The following SCNN1B variants were observed in gnomAD, a reference collection of about 807,000 sequenced individuals.
SCNN1B encodes sodium channel epithelial 1 subunit beta.
Under a neutral mutation model 65.3 loss-of-function variants are expected in SCNN1B, and 46 were observed. The observed-to-expected ratio is 0.70, with a 90% CI of 0.56 to 0.90. SCNN1B has a LOEUF of 0.90. SCNN1B is among the 40% of genes least tolerant of loss of function. The probability of loss-of-function intolerance (pLI) is 0.00; values close to 1 mark genes in which losing one functional copy is unlikely to be tolerated. For missense variants in SCNN1B, 751 were observed against 830.5 expected (o/e 0.90, Z 1.18); for synonymous variants, 349 against 330.6 (o/e 1.06, Z -0.60).
At position 23,381,038 on chromosome 16, in the gene SCNN1B, C is replaced by G. The variant is rs1032209710; in HGVS notation, c.*237C>G. 8.4e-6 allele frequency: 5 copies of G among 595,018 alleles called. No individual in the cohort carries two copies. The Admixed American group carries it at 1.3e-4, about 16-fold the overall frequency. The allele number at this position is 595,018 out of a possible 1,614,324, so 36.9% of individuals were successfully genotyped here. A position where few individuals can be genotyped will look rare whatever the true frequency, so the allele number is the denominator to read the frequency against. ...AATTGTATCTTCACCTGGTTCCTAC[C>G]CTCGTCCCTACCTGTCCTGATCCTG... On this transcript the variant is annotated 3_prime_UTR_variant, in exon 13 of 13. Coordinates refer to ENST00000343070, the MANE Select transcript of SCNN1B (RefSeq NM_000336.3).
intron 4 of SCNN1B, among the ~76,000 whole-genome samples, chr16:23,357,439 C>T (rs152741): frequency 0.27 from 41,298 of 152,036 alleles, 5,926 homozygotes; most frequent in East Asian, 0.4. Flanking sequence ...AAAAATTAAC[C>T]GGGAGTGGTG....
At chr16:23,327,959 G>T (rs150396055) in intron 1 of SCNN1B, among the ~76,000 whole-genome samples, 229 of 152,336 alleles carry the variant, frequency 1.5e-3, no homozygotes, top group African/African-American at 5.2e-3. Context: ...CATGTGTCAG[G>T]CTGCTGGGAT....
At chr16:23,357,573 ACT>A (rs947303356) in intron 4 of SCNN1B, among the ~76,000 whole-genome samples, 18 of 152,132 alleles carry the variant, frequency 1.2e-4, no homozygotes, top group Non-Finnish European at 2.4e-4. Context: ...GCAGAGTGAG[ACT>A]CTGTATTAAA....
At chr16:23,292,187 T>C (rs1960934819) in intron 2 of SCNN1B, among the ~76,000 whole-genome samples, 2 of 150,542 alleles carry the variant, frequency 1.3e-5, no homozygotes, top group South Asian at 4.2e-4. Context: ...TTATTTTATT[T>C]CTTTCTTTAT....
intron 4 of SCNN1B, among the ~76,000 whole-genome samples, chr16:23,362,539 G>T (rs1006902850): frequency 6.6e-6 from 1 of 152,108 alleles, no homozygotes; most frequent in African/African-American, 2.4e-5. Flanking sequence ...TTTTCTGGAG[G>T]CTCACTGGTC....
rs530148853 is a variant in SCNN1B, at chr16:23,330,669, C to A, written c.-8-17923C>A. On this transcript the variant is annotated intron_variant, in intron 1 of 12. Coordinates refer to ENST00000343070, the MANE Select transcript of SCNN1B (RefSeq NM_000336.3). Reference sequence around the variant, plus strand: ...TTCACTGCAGCCTCCAACCCCTGGGCTTAAGTGATCCTCCCTCCTCAGCCT... The same window carrying A: ...TTCACTGCAGCCTCCAACCCCTGGGATTAAGTGATCCTCCCTCCTCAGCCT... Among the ~76,000 whole-genome samples the A allele has an allele frequency of 7.9e-5, 12 of 152,178 alleles. No individual in the cohort carries two copies. The East Asian group carries it at 1.9e-3, about 25-fold the overall frequency.
chr16:23,337,196 C>T (rs1961959787), intron 1 of SCNN1B, among the ~76,000 whole-genome samples: 2 of 151,966 alleles, frequency 1.3e-5, no homozygotes, highest in African/African-American at 4.8e-5. Context: ...AGACCACAGG[C>T]ACATGCCACC....
At chr16:23,346,594 G>T (rs78665392) in intron 1 of SCNN1B, among the ~76,000 whole-genome samples, 1 of 151,934 alleles carries the variant, frequency 6.6e-6, no homozygotes, top group Non-Finnish European at 1.5e-5. Context: ...GTTCTCTTGG[G>T]ATTGAAACCC....
At chr16:23,333,358 T>C (rs1457485369) in intron 1 of SCNN1B, among the ~76,000 whole-genome samples, 1 of 151,910 alleles carries the variant, frequency 6.6e-6, no homozygotes, top group Non-Finnish European at 1.5e-5. Context: ...CCTTGGGGAG[T>C]ATGGGATTTC....
intron 4 of SCNN1B, among the ~76,000 whole-genome samples, chr16:23,366,034 A>G (rs1235067649): frequency 2.0e-5 from 3 of 152,232 alleles, no homozygotes; most frequent in Non-Finnish European, 4.4e-5. Context: ...TGAGATCACG[A>G]ATACAGAAAG....
intron 2 of SCNN1B, among the ~76,000 whole-genome samples, chr16:23,349,696 C>T (rs992442997): frequency 7.2e-5 from 11 of 152,170 alleles, no homozygotes; most frequent in Admixed American, 6.6e-4. Context: ...ACAAATACAA[C>T]AGTTAACAAA....
chr16:23,348,739 A>G lies in SCNN1B; in HGVS notation c.140A>G (p.Lys47Arg). Residue 47 changes from lysine to arginine, a missense_variant, in exon 2 of 13, where the codon AAG becomes AGG. By Grantham distance (26) the Lys-to-Arg change is conservative. Coordinates refer to ENST00000343070, the MANE Select transcript of SCNN1B (RefSeq NM_000336.3). This position sits in a 1 kb window ranked among gnomAD's most constrained non-coding sequence, Gnocchi z 4.5. ...AAGCGCATCATCTGTGAGGGGCCCA[A>G]GAAGAAAGCCATGTGGTTCCTGCTC... The part of the protein sequence containing the change: ...GPKRIICEGP[K>R]KKAMWFLLTL... The G allele has an allele frequency of 6.2e-7, 1 of 1,614,202 alleles. No individual in the cohort carries two copies. The highest frequency in any genetic ancestry group is 8.5e-7 in the Non-Finnish European group (1 of 1,180,026).
At chr16:23,313,024 T>C (rs372627338) in intron 1 of SCNN1B, among the ~76,000 whole-genome samples, 3 of 152,358 alleles carry the variant, frequency 2.0e-5, no homozygotes, top group Non-Finnish European at 1.5e-5. Flanking sequence ...AGGGAGTGTT[T>C]CCTGAGTGCT....
At chr16:23,288,415 C>T (rs1596806972) in intron 2 of SCNN1B, among the ~76,000 whole-genome samples, 1 of 152,306 alleles carries the variant, frequency 6.6e-6, no homozygotes, top group East Asian at 1.9e-4. Flanking sequence ...TAAAACATTA[C>T]TCATTTATTA....
intron 1 of SCNN1B, among the ~76,000 whole-genome samples, chr16:23,333,141 GGAAGGAAAGAAGGA>G (rs1567300518): frequency 1.2e-4 from 12 of 100,846 alleles, no homozygotes; most frequent in South Asian, 3.2e-4. Context: ...GAGGGAGGAA[GGAAGGAAAGAAGGA>G]AGGAAGGAAG....
intron 1 of SCNN1B, among the ~76,000 whole-genome samples, chr16:23,320,986 G>C (rs1961575342): frequency 1.3e-5 from 2 of 152,242 alleles, no homozygotes; most frequent in Non-Finnish European, 2.9e-5. Flanking sequence ...GCCGGATCTA[G>C]ATGAGTGAGC....
chr16:23,336,564 G>T (rs2060765509), intron 1 of SCNN1B, among the ~76,000 whole-genome samples: 2 of 151,922 alleles, frequency 1.3e-5, no homozygotes, highest in African/African-American at 4.8e-5. Context: ...TAGAGACGGG[G>T]TTTCACCATG....
chr16:23,288,686 G>T (rs1174402336), intron 2 of SCNN1B, among the ~76,000 whole-genome samples: 1 of 152,206 alleles, frequency 6.6e-6, no homozygotes, highest in African/African-American at 2.4e-5. Flanking sequence ...GTACCCACCT[G>T]TGGTCCCAGC....
In SCNN1B at chr16:23,339,528, G is replaced by A. The variant is rs547799137; in HGVS notation, c.-8-9064G>A. 2.7e-3 allele frequency among the ~76,000 whole-genome samples: 412 copies of A among 151,862 alleles called. 1 individual carries two copies. Among genetic ancestry groups the A allele is most frequent in the Middle Eastern group, 0.017 (5 of 294 alleles). ...CTCCCAAAGTGCTGGGATTACAGGC[G>A]TGAACCACTGCACCTGGCATCCTTA... On this transcript the variant is annotated intron_variant, in intron 1 of 12. Coordinates refer to ENST00000343070, the MANE Select transcript of SCNN1B (RefSeq NM_000336.3).
Sources: gnomAD v4.1 joint callset for allele counts (sites outside exome capture counted in the v4.1 genomes callset) on GRCh38, gnomAD v4.1.1 for gene constraint, Gnocchi (gnomAD v3.1) non-coding constraint, MANE v1.5 for transcripts, NCBI Gene and HGNC (gene_info 2026-07-23, HGNC 2026-07-21) for gene names.